Variants in PITPNC1 observed in about 807,000 individuals in gnomAD.
PITPNC1 encodes phosphatidylinositol transfer protein cytoplasmic 1.
In PITPNC1, 18 loss-of-function variants were observed where a neutral mutation model predicts 44.7. That is an observed-to-expected ratio of 0.40 (90% CI 0.28 to 0.60). The LOEUF (loss-of-function observed/expected upper bound fraction) is 0.60, where lower values mean the gene tolerates loss of function less well. Ranked by LOEUF, PITPNC1 falls within the 20% of genes least tolerant of loss-of-function variation. The pLI is 0.39. For missense variants in PITPNC1, 290 were observed against 418.4 expected (o/e 0.69, Z 2.68); for synonymous variants, 141 against 149.6 (o/e 0.94, Z 0.42).
chr17:67,485,530 A>C (rs1040152811), intron 1 of PITPNC1, among the ~76,000 whole-genome samples: 12 of 151,774 alleles, frequency 7.9e-5, no homozygotes, highest in African/African-American at 2.9e-4. Flanking sequence ...ACCCCTGGCT[A>C]ATTTTTGTAT....
chr17:67,597,990 G>A lies in PITPNC1; in HGVS notation c.366+19733G>A, dbSNP rs904869892. On this transcript the variant is annotated intron_variant, in intron 5 of 8. Coordinates refer to ENST00000581322, the MANE Select transcript of PITPNC1 (RefSeq NM_012417.4). This position sits in a 1 kb window ranked among gnomAD's most constrained non-coding sequence, Gnocchi z 4.0. ...TGTAATCCCAGCACTTTGGGAGGCC[G>A]AGGCAGGCGGATCACGAGGTCAGGA... 3.3e-5 allele frequency among the ~76,000 whole-genome samples: 5 copies of A among 152,106 alleles called. No homozygotes were observed. Among genetic ancestry groups the A allele is most frequent in the African/African-American group, 1.2e-4 (5 of 41,422 alleles).
chr17:67,674,294 G>A lies in PITPNC1; in HGVS notation c.619-1185G>A, dbSNP rs545182685. On this transcript the variant is annotated intron_variant, in intron 7 of 8. Coordinates refer to ENST00000581322, the MANE Select transcript of PITPNC1 (RefSeq NM_012417.4). ...CAAGACAGGTGAACTGCTCGAGGCC[G>A]GGAGTTTGAGACCAGCCTGGACAAC... Among the ~76,000 whole-genome samples the A allele has an allele frequency of 3.3e-5, 5 of 152,044 alleles. No homozygotes were observed. In the South Asian group the frequency reaches 6.2e-4, roughly 19 times the overall value.
intron 1 of PITPNC1, among the ~76,000 whole-genome samples, chr17:67,419,786 A>G (rs577530147): frequency 6.6e-6 from 1 of 152,068 alleles, no homozygotes; most frequent in Non-Finnish European, 1.5e-5. Flanking sequence ...AGCACCTGTA[A>G]TCCTAGCTAC....
intron 4 of PITPNC1, among the ~76,000 whole-genome samples, chr17:67,562,273 G>A (rs1165985919): frequency 1.6e-4 from 25 of 152,150 alleles, no homozygotes. Context: ...GTGCGGGCTG[G>A]TGAGGAGCAG....
intron 1 of PITPNC1, among the ~76,000 whole-genome samples, chr17:67,397,846 C>A (rs2038242312): frequency 6.6e-6 from 1 of 152,174 alleles, no homozygotes; most frequent in Admixed American, 6.5e-5. Flanking sequence ...GTAATCCCAG[C>A]ACTTTGGGAG....
At chr17:67,379,518 AGTTC>A (rs1274594674) in intron 1 of PITPNC1, 1 of 293,114 alleles carries the variant, frequency 3.4e-6, no homozygotes, top group African/African-American at 2.3e-5. Flanking sequence ...CGAGTTTTGG[AGTTC>A]GTTGGCATTT....
chr17:67,512,128 A>G (rs1040602781), intron 1 of PITPNC1, among the ~76,000 whole-genome samples: 6 of 152,190 alleles, frequency 3.9e-5, no homozygotes, highest in African/African-American at 1.4e-4. Flanking sequence ...GGGGTGAGAA[A>G]GATCCACGTT....
rs925216672 is a variant in PITPNC1, at chr17:67,378,222, C to T, written c.48+20C>T. On this transcript the variant is annotated intron_variant, in intron 1 of 8. Transcript: ENST00000581322. ...GACGAGGTAAGCGCCGCGCCCGGCC[C>T]GGCCTCGCCCGCTCCGGGACCCCCG... The T allele has an allele frequency of 6.7e-7, 1 of 1,482,226 alleles. No individual in the cohort carries two copies. Among genetic ancestry groups the T allele is most frequent in the East Asian group, 2.9e-5 (1 of 34,494 alleles). The allele number at this position is 1,482,226 out of a possible 1,614,324, so 91.8% of individuals were successfully genotyped here.
At chr17:67,599,026 ATATATATATTTTTTTT>A (rs1296430878) in intron 5 of PITPNC1, among the ~76,000 whole-genome samples, 1 of 32,482 alleles carries the variant, frequency 3.1e-5, no homozygotes, top group African/African-American at 1.4e-4. Flanking sequence ...ATATATATAT[ATATATATATTTTTTTT>A]TTTTTTTTTT....
At chr17:67,485,123 T>C (rs1459849700) in intron 1 of PITPNC1, among the ~76,000 whole-genome samples, 1 of 152,060 alleles carries the variant, frequency 6.6e-6, no homozygotes, top group Non-Finnish European at 1.5e-5. Context: ...ACCTGGGCAG[T>C]GTAGCCACAG....
chr17:67,396,475 A>G (rs2038222316), intron 1 of PITPNC1, among the ~76,000 whole-genome samples: 2 of 150,544 alleles, frequency 1.3e-5, no homozygotes, highest in African/African-American at 2.5e-5. Flanking sequence ...GGTTCAAGCA[A>G]TTCTCCTGCC....
chr17:67,666,150 T>TTTTTG (rs1555579679), intron 6 of PITPNC1, among the ~76,000 whole-genome samples: 3 of 151,384 alleles, frequency 2.0e-5, no homozygotes, highest in Non-Finnish European at 3.0e-5. Context: ...GCCAAGTGTT[T>TTTTTG]TTTTGTTTTG....
chr17:67,378,963 C>T, intron 1 of PITPNC1: 7 of 985,138 alleles, frequency 7.1e-6, no homozygotes, highest in Non-Finnish European at 8.4e-6. Context: ...GGGGCGGGGG[C>T]TCGTCCTCCA....
At chr17:67,557,776 G>A (rs745972517) in intron 4 of PITPNC1, among the ~76,000 whole-genome samples, 2 of 152,208 alleles carry the variant, frequency 1.3e-5, no homozygotes, top group Non-Finnish European at 2.9e-5. Flanking sequence ...GATGCTTTCA[G>A]TTGCCTTAGT....
At chr17:67,398,237 C>G (rs2038251844) in intron 1 of PITPNC1, among the ~76,000 whole-genome samples, 1 of 152,006 alleles carries the variant, frequency 6.6e-6, no homozygotes, top group African/African-American at 2.4e-5. Context: ...CTTTATTAAT[C>G]AAAATAATCA....
At chr17:67,647,447 C>G (rs1317145504) in intron 6 of PITPNC1, among the ~76,000 whole-genome samples, 4 of 146,356 alleles carry the variant, frequency 2.7e-5, no homozygotes, top group Non-Finnish European at 4.5e-5. Flanking sequence ...CACACCATCA[C>G]ACCCAGCTAA....
At chr17:67,389,597 A>G (rs908594941) in intron 1 of PITPNC1, among the ~76,000 whole-genome samples, 1 of 152,196 alleles carries the variant, frequency 6.6e-6, no homozygotes, top group Admixed American at 6.5e-5. Context: ...CCATAGTTGC[A>G]CAAGTCTGTA....
chr17:67,596,178 C>G (rs1205114203), intron 5 of PITPNC1, among the ~76,000 whole-genome samples: 1 of 152,062 alleles, frequency 6.6e-6, no homozygotes, highest in African/African-American at 2.4e-5. Context: ...AAGGAACGTC[C>G]TCGGGAATGA....
chr17:67,514,062 G>A (rs574709832), intron 1 of PITPNC1, among the ~76,000 whole-genome samples: 14 of 151,980 alleles, frequency 9.2e-5, no homozygotes, highest in Non-Finnish European at 1.9e-4. Context: ...CGAGATAGAA[G>A]AGGGTAGAAG....
Sources: gnomAD v4.1 joint callset for allele counts (sites outside exome capture counted in the v4.1 genomes callset) on GRCh38, gnomAD v4.1.1 for gene constraint, Gnocchi (gnomAD v3.1) non-coding constraint, MANE v1.5 for transcripts, NCBI Gene and HGNC (gene_info 2026-07-23, HGNC 2026-07-21) for gene names.